The following ZNF385D variants were observed in gnomAD, a reference collection of about 807,000 sequenced individuals.
The protein encoded by ZNF385D is zinc finger protein 385D, also known as zinc finger protein 659.
ZNF385D carries 15 observed loss-of-function variants against 35.8 expected under a neutral mutation model. The observed-to-expected ratio is 0.42, with a 90% CI of 0.28 to 0.64. The LOEUF (loss-of-function observed/expected upper bound fraction) is 0.64, where lower values mean the gene tolerates loss of function less well. ZNF385D is among the 30% of genes least tolerant of loss of function. The probability of loss-of-function intolerance (pLI) is 0.23; values close to 1 mark genes in which losing one functional copy is unlikely to be tolerated. For missense variants in ZNF385D, 474 were observed against 494.6 expected (o/e 0.96, Z 0.39); for synonymous variants, 212 against 186.8 (o/e 1.13, Z -1.10).
At chr3:21,800,605 AT>A (rs1227694378) in intron 3 of ZNF385D, among the ~76,000 whole-genome samples, 1 of 152,096 alleles carries the variant, frequency 6.6e-6, no homozygotes, top group Non-Finnish European at 1.5e-5. Flanking sequence ...AGACCTTGCT[AT>A]TTTTTATTTA....
chr3:22,037,619 G>T (rs1016786989), intron 3 of ZNF385D, among the ~76,000 whole-genome samples: 2 of 152,128 alleles, frequency 1.3e-5, no homozygotes, highest in African/African-American at 4.8e-5. Context: ...CCCTTTGTCA[G>T]ATGAGTAGAT....
intron 3 of ZNF385D, chr3:22,134,483 T>G (rs977168549): frequency 2.0e-5 from 3 of 152,024 alleles, no homozygotes; most frequent in Non-Finnish European, 2.9e-5. Context: ...ATATGGAAGA[T>G]CTAAACAACA....
At chr3:22,233,342 T>C (rs1433134065) in intron 2 of ZNF385D, among the ~76,000 whole-genome samples, 2 of 152,136 alleles carry the variant, frequency 1.3e-5, no homozygotes, top group African/African-American at 4.8e-5. Context: ...ACTATATTAT[T>C]TCACTTAAAA....
At chr3:21,472,052 T>C (rs1211694839) in intron 4 of ZNF385D, among the ~76,000 whole-genome samples, 1 of 152,148 alleles carries the variant, frequency 6.6e-6, no homozygotes, top group Non-Finnish European at 1.5e-5. Context: ...CCTGAATATT[T>C]AAATTTTATT....
intron 1 of ZNF385D, among the ~76,000 whole-genome samples, chr3:21,711,046 T>G (rs971619254): frequency 8.0e-6 from 1 of 125,542 alleles, no homozygotes; most frequent in East Asian, 2.4e-4. Context: ...AAAGTTTTTT[T>G]TTTTTTTTTT....
chr3:22,193,209 C>T (rs1321325795), intron 2 of ZNF385D, among the ~76,000 whole-genome samples: 1 of 152,078 alleles, frequency 6.6e-6, no homozygotes, highest in African/African-American at 2.4e-5. Context: ...ACCTTCCTTC[C>T]ATATTTCCCC....
At chr3:21,930,043 T>C (rs1412364183) in intron 3 of ZNF385D, among the ~76,000 whole-genome samples, 2 of 152,028 alleles carry the variant, frequency 1.3e-5, no homozygotes, top group South Asian at 4.1e-4. Flanking sequence ...ATTTCAAAAC[T>C]TGCTACAAAG....
chr3:21,762,156 C>T lies in ZNF385D; in HGVS notation c.326-97128G>A, dbSNP rs545894656. On this transcript the variant is annotated intron_variant, in intron 3 of 5. Coordinates refer to the ZNF385D transcript ENST00000494108. ...CCTCCTAAAGTGCTGGGATTACAGG[C>T]GTGAGTCGCTGTGCTCAGTCTGTCT... is the stretch of plus-strand genomic sequence containing the variant. Among the ~76,000 whole-genome samples the T allele has an allele frequency of 1.1e-4, 17 of 152,116 alleles. No homozygotes were observed. In the Middle Eastern group the frequency reaches 0.014, roughly 122 times the overall value.
intron 3 of ZNF385D, among the ~76,000 whole-genome samples, chr3:22,122,963 C>T (rs1301291303): frequency 6.6e-6 from 1 of 152,220 alleles, no homozygotes; most frequent in East Asian, 1.9e-4. Flanking sequence ...GAGATAAGAT[C>T]ATATAGGGCT....
intron 1 of ZNF385D, among the ~76,000 whole-genome samples, chr3:21,731,336 T>G (rs2068986340): frequency 6.6e-6 from 1 of 152,222 alleles, no homozygotes; most frequent in African/African-American, 2.4e-5. Context: ...TTTCTTTTTT[T>G]AATAGACTAT....
At chr3:21,645,973 C>CA (rs1301707348) in intron 2 of ZNF385D, among the ~76,000 whole-genome samples, 1 of 152,054 alleles carries the variant, frequency 6.6e-6, no homozygotes, top group African/African-American at 2.4e-5. Flanking sequence ...CAAAATGCAG[C>CA]AAATTCCAAG....
At chr3:21,759,787 TAAAAA>T (rs2070518131) in intron 3 of ZNF385D, among the ~76,000 whole-genome samples, 5 of 152,148 alleles carry the variant, frequency 3.3e-5, no homozygotes, top group Admixed American at 2.6e-4. Flanking sequence ...ATTTTGCCTT[TAAAAA>T]AAGAGATTCT....
At chr3:21,679,634 C>T (rs2066837689) in intron 1 of ZNF385D, among the ~76,000 whole-genome samples, 1 of 151,786 alleles carries the variant, frequency 6.6e-6, no homozygotes, top group Non-Finnish European at 1.5e-5. Flanking sequence ...TCAATGTGCT[C>T]ATTGTGAGAT....
chr3:22,321,008 T>C (rs897140508), intron 2 of ZNF385D, among the ~76,000 whole-genome samples: 1 of 151,912 alleles, frequency 6.6e-6, no homozygotes, highest in Non-Finnish European at 1.5e-5. Flanking sequence ...CGGAAAAACA[T>C]AATAAATCCT....
intron 2 of ZNF385D, among the ~76,000 whole-genome samples, chr3:22,195,982 T>G (rs1696386255): frequency 6.6e-6 from 1 of 151,958 alleles, no homozygotes; most frequent in African/African-American, 2.4e-5. Context: ...TGATAACACA[T>G]GGGCACATAG....
intron 2 of ZNF385D, among the ~76,000 whole-genome samples, chr3:22,196,206 T>C (rs1352115023): frequency 1.3e-5 from 2 of 152,102 alleles, no homozygotes; most frequent in Non-Finnish European, 2.9e-5. Flanking sequence ...TGTTTGCTAA[T>C]CGAATAGGTG....
chr3:21,997,297 AT>A (rs1695525668), intron 3 of ZNF385D, among the ~76,000 whole-genome samples: 1 of 152,130 alleles, frequency 6.6e-6, no homozygotes, highest in Admixed American at 6.5e-5. Flanking sequence ...GAATTGAACA[AT>A]GAGAACACTT....
At chr3:22,275,244 T>C (rs1305908050) in intron 2 of ZNF385D, among the ~76,000 whole-genome samples, 1 of 152,116 alleles carries the variant, frequency 6.6e-6, no homozygotes, top group Non-Finnish European at 1.5e-5. Context: ...AAAAATTTGA[T>C]TGTCTTTTTC....
chr3:21,975,983 G>C (rs2125354676), intron 3 of ZNF385D, among the ~76,000 whole-genome samples: 1 of 152,128 alleles, frequency 6.6e-6, no homozygotes, highest in East Asian at 1.9e-4. Context: ...CACAGTTCTA[G>C]GGAGACCAGA....
Sources: gnomAD v4.1 joint callset for allele counts (sites outside exome capture counted in the v4.1 genomes callset) on GRCh38, gnomAD v4.1.1 for gene constraint, MANE v1.5 for transcripts, NCBI Gene and HGNC (gene_info 2026-07-23, HGNC 2026-07-21) for gene names.